The following CDS2 variants were observed in gnomAD, a reference collection of about 807,000 sequenced individuals.
CDS2 encodes the protein CDP-diacylglycerol synthase 2, also known as phosphatidate cytidylyltransferase 2.
Under a neutral mutation model 59.0 loss-of-function variants are expected in CDS2, and 47 were observed. That is an observed-to-expected ratio of 0.80 (90% CI 0.63 to 1.02). The LOEUF is 1.02. Ranked by LOEUF, CDS2 falls within the 50% of genes least tolerant of loss-of-function variation. CDS2 has a pLI of 0.00. For missense variants in CDS2, 356 were observed against 558.9 expected (o/e 0.64, Z 3.66); for synonymous variants, 207 against 206.4 (o/e 1.00, Z -0.02).
At chr20:5,173,451 G>A in intron 1 of CDS2, 72 bp from the exon 2 acceptor site, 1 of 1,551,056 alleles carries the variant, frequency 6.4e-7, no homozygotes, top group Non-Finnish European at 8.9e-7. Context: ...GATCTCTCAT[G>A]ACAGGCATAG....
At chr20:5,146,545 C>G (rs184982735) in intron 1 of CDS2, among the ~76,000 whole-genome samples, 3 of 152,304 alleles carry the variant, frequency 2.0e-5, no homozygotes, top group African/African-American at 7.2e-5. Context: ...ATGCTGTCAT[C>G]TTAGGTAATA....
intron 1 of CDS2, among the ~76,000 whole-genome samples, chr20:5,144,047 G>C (rs1042601795): frequency 1.3e-5 from 2 of 152,094 alleles, no homozygotes; most frequent in African/African-American, 4.8e-5. Flanking sequence ...TCATAGGCAT[G>C]AGCCACCACG....
At chr20:5,141,474 C>T (rs1440774128) in intron 1 of CDS2, among the ~76,000 whole-genome samples, 1 of 152,142 alleles carries the variant, frequency 6.6e-6, no homozygotes, top group Non-Finnish European at 1.5e-5. Context: ...ACCCCAGCTC[C>T]ACTGGGACAG....
rs75628942 is a variant in CDS2, at chr20:5,134,356, G to A, written c.57+7207G>A. Among the ~76,000 whole-genome samples, 517 of 152,194 alleles carry A rather than the reference G, an allele frequency of 3.4e-3. 4 individuals are homozygous for A. The highest frequency in any genetic ancestry group is 0.012 in the African/African-American group (487 of 41,526). On this transcript the variant is annotated intron_variant, in intron 1 of 12. Transcript: ENST00000460006. ...ACTGACTGTAGGGTCTGCTATGGAC[G>A]GTGTCTGTATTTCTGAGAGGGGCTG...
At chr20:5,182,159 G>A (rs1035276964) in intron 5 of CDS2, among the ~76,000 whole-genome samples, 1 of 152,182 alleles carries the variant, frequency 6.6e-6, no homozygotes, top group African/African-American at 2.4e-5. Context: ...AGTTTAGTGT[G>A]GTCTGCATGA....
intron 1 of CDS2, among the ~76,000 whole-genome samples, chr20:5,149,212 A>G (rs1036040251): frequency 2.6e-5 from 4 of 152,188 alleles, no homozygotes; most frequent in African/African-American, 9.6e-5. Flanking sequence ...GATGTGAGAA[A>G]AATTGTTTCT....
intron 1 of CDS2, among the ~76,000 whole-genome samples, chr20:5,152,794 T>C (rs1223115266): frequency 6.6e-6 from 1 of 152,202 alleles, no homozygotes; most frequent in Non-Finnish European, 1.5e-5. Context: ...AACTTTGCTT[T>C]ATTGATTGGT....
At chr20:5,147,134 T>G (rs1015452936) in intron 1 of CDS2, among the ~76,000 whole-genome samples, 1 of 152,150 alleles carries the variant, frequency 6.6e-6, no homozygotes, top group African/African-American at 2.4e-5. Flanking sequence ...AGCATTGAGG[T>G]TTCTATTACA....
At chr20:5,171,557 A>T (rs2090956503) in intron 1 of CDS2, among the ~76,000 whole-genome samples, 1 of 152,044 alleles carries the variant, frequency 6.6e-6, no homozygotes. Flanking sequence ...GTGGTTGCCG[A>T]TGGTGTGTGG....
intron 5 of CDS2, among the ~76,000 whole-genome samples, chr20:5,180,202 C>G (rs1181493589): frequency 6.6e-6 from 1 of 152,118 alleles, no homozygotes; most frequent in Non-Finnish European, 1.5e-5. Context: ...GTGCTACCAT[C>G]TAGGTCACTG....
chr20:5,129,710 G>A (rs2090587817), intron 1 of CDS2, among the ~76,000 whole-genome samples: 1 of 151,950 alleles, frequency 6.6e-6, no homozygotes, highest in South Asian at 2.1e-4. Context: ...CCAAAGTGCT[G>A]GGATTATAGG....
Position 5,185,755 on chromosome 20 carries a change from C to T in CDS2, c.760-3C>T, listed in dbSNP as rs766050304. The T allele has an allele frequency of 1.2e-6, 2 of 1,614,150 alleles. No homozygotes were observed. ...TTGCTGAGAACTTGCTCTCTGTCCA[C>T]AGCTGTCCCCGAAGAAGACCTGGGA... On this transcript the variant is annotated splice_region_variant and splice_polypyrimidine_tract_variant and intron_variant, in intron 8 of 12. Transcript: ENST00000460006.
chr20:5,186,913 G>A, intron 10 of CDS2, 74 bp downstream of exon 10: 1 of 1,540,686 alleles, frequency 6.5e-7, no homozygotes, highest in Non-Finnish European at 8.9e-7. Flanking sequence ...TCCATCACCT[G>A]CCCTCTGAAA....
At chr20:5,146,786 C>T (rs1023971600) in intron 1 of CDS2, among the ~76,000 whole-genome samples, 1 of 152,140 alleles carries the variant, frequency 6.6e-6, no homozygotes, top group East Asian at 1.9e-4. Context: ...AATAAACAAG[C>T]TAGAAGTTTA....
In CDS2 at chr20:5,190,502, TTAA is replaced by T. The variant is rs1413874586; in HGVS notation, c.*273_*275del. 6.5e-6 allele frequency: 2 copies of T among 308,702 alleles called. No individual in the cohort carries two copies. The highest frequency in any genetic ancestry group is 4.3e-5 in the African/African-American group (2 of 46,386). 19.1% of individuals were successfully genotyped at this position (308,702 alleles called of 1,614,324 possible). ...TTTGGATTTTTTTAAAACAAAAGTA[TTAA>T]TAATCTGGAAGACAGTGTTGCCCAG... On this transcript the variant is annotated 3_prime_UTR_variant, in exon 13 of 13. Transcript: ENST00000460006.
At chr20:5,148,665 A>G (rs942079557) in intron 1 of CDS2, among the ~76,000 whole-genome samples, 2 of 152,164 alleles carry the variant, frequency 1.3e-5, no homozygotes, top group African/African-American at 4.8e-5. Context: ...ATCCCTCCTC[A>G]TTGCTGATCT....
At chr20:5,138,714 G>C (rs945201938) in intron 1 of CDS2, among the ~76,000 whole-genome samples, 2 of 151,888 alleles carry the variant, frequency 1.3e-5, no homozygotes, top group African/African-American at 2.4e-5. Flanking sequence ...TCGAATTCCT[G>C]ACCTCAGGTG....
At chr20:5,143,061 C>G (rs555472911) in intron 1 of CDS2, among the ~76,000 whole-genome samples, 1 of 152,168 alleles carries the variant, frequency 6.6e-6, no homozygotes, top group South Asian at 2.1e-4. Flanking sequence ...CCAGGCTGGT[C>G]TTGAACTCCT....
At chr20:5,168,027 T>A (rs2090925261) in intron 1 of CDS2, among the ~76,000 whole-genome samples, 1 of 152,180 alleles carries the variant, frequency 6.6e-6, no homozygotes, top group African/African-American at 2.4e-5. Context: ...TTATTTTCTT[T>A]CCCTAGTTTT....
Sources: allele counts gnomAD v4.1 joint callset (sites outside exome capture counted in the v4.1 genomes callset), GRCh38; gene constraint gnomAD v4.1.1; transcripts MANE v1.5; gene names NCBI Gene and HGNC (gene_info 2026-07-23, HGNC 2026-07-21).